Variants in CACNA2D4 observed in about 807,000 individuals in gnomAD.
CACNA2D4 encodes the protein voltage-dependent calcium channel subunit alpha-2/delta-4.
CACNA2D4 carries 157 observed loss-of-function variants against 163.8 expected under a neutral mutation model. The observed-to-expected ratio is 0.96, with a 90% CI of 0.84 to 1.09. The LOEUF is 1.09. Ranked by LOEUF, CACNA2D4 falls within the 50% of genes least tolerant of loss-of-function variation. CACNA2D4 has a pLI of 0.00. For missense variants in CACNA2D4, 1,410 were observed against 1,479.9 expected (o/e 0.95, Z 0.78); for synonymous variants, 598 against 586.9 (o/e 1.02, Z -0.27).
Position 1,844,475 on chromosome 12 carries a change from C to A in CACNA2D4, c.2397G>T (p.Pro799=). ...EASVFTLDRF[P]LWYRQASEHP... is the part of the protein sequence containing the mutation. ...GCTCTGAGGCCTGGCGGTACCACAG[C>A]GGGAAGCGGTCCAGGGTGAACACGC... Residue 799 remains proline (P), a synonymous_variant, in exon 25 of 38, where the codon CCG becomes CCT. Transcript: ENST00000382722. The surrounding 1 kb of genome is among the most constrained non-coding windows in gnomAD (Gnocchi z 4.2). The A allele has an allele frequency of 2.5e-6, 4 of 1,613,466 alleles. No individual in the cohort carries two copies. Among genetic ancestry groups the A allele is most frequent in the Non-Finnish European group, 3.4e-6 (4 of 1,179,736 alleles).
chr12:1,830,727 A>G (rs1460387177), intron 26 of CACNA2D4, among the ~76,000 whole-genome samples: 1 of 152,192 alleles, frequency 6.6e-6, no homozygotes, highest in Non-Finnish European at 1.5e-5. Flanking sequence ...CGCCCTGCAG[A>G]CACTGTGTGA....
At position 1,860,130 on chromosome 12, in the gene CACNA2D4, G is replaced by A. The variant is rs114870926; in HGVS notation, c.1940+15C>T. 6.6e-4 allele frequency: 1,061 copies of A among 1,607,552 alleles called. 5 individuals carry two copies. In the African/African-American group the frequency reaches 0.013, roughly 20 times the overall value. ...TCAACCCTCACCCCGTGCAAATAAA[G>A]CCTGTGTCCCTCACCTGAAAGGGGT... On this transcript the variant is annotated intron_variant, in intron 19 of 37. Coordinates refer to ENST00000382722, the MANE Select transcript of CACNA2D4 (RefSeq NM_172364.5).
At chr12:1,882,548 G>A (rs569658324) in intron 13 of CACNA2D4, among the ~76,000 whole-genome samples, 1 of 151,542 alleles carries the variant, frequency 6.6e-6, no homozygotes, top group Non-Finnish European at 1.5e-5. Context: ...GTGGGAGGGA[G>A]GGATGATGAG....
intron 26 of CACNA2D4, among the ~76,000 whole-genome samples, chr12:1,837,547 A>G (rs549950404): frequency 6.6e-6 from 1 of 152,048 alleles, no homozygotes; most frequent in South Asian, 2.1e-4. Context: ...CTCCTCAGCT[A>G]TATGGTTCAT....
intron 18 of CACNA2D4, among the ~76,000 whole-genome samples, chr12:1,865,196 T>C (rs1865619992): frequency 6.6e-6 from 1 of 152,166 alleles, no homozygotes; most frequent in African/African-American, 2.4e-5. Flanking sequence ...GGCGCGTCTC[T>C]CCCTTGCTGA....
rs866618856 is a variant in CACNA2D4 at position 1,883,098 on chromosome 12, C to T, written c.1352-98G>A. ...TCCCCAGCTGCAGATGGCTCATAGC[C>T]GAATACTCTCTGGAAACTGGACCGG... is the stretch of plus-strand genomic sequence containing the variant. On this transcript the variant is annotated intron_variant, in intron 12 of 37. Coordinates refer to ENST00000382722, the MANE Select transcript of CACNA2D4 (RefSeq NM_172364.5). The surrounding 1 kb of genome is among the most constrained non-coding windows in gnomAD (Gnocchi z 4.5). The T allele has an allele frequency of 5.6e-5, 74 of 1,326,420 alleles. No homozygotes were observed. In the South Asian group the frequency reaches 6.5e-4, roughly 12 times the overall value. 82.2% of individuals were successfully genotyped at this position (1,326,420 alleles called of 1,614,324 possible). A position where few individuals can be genotyped will look rare whatever the true frequency, so the allele number is the denominator to read the frequency against.
chr12:1,804,191 G>T (rs1480590753), intron 29 of CACNA2D4, among the ~76,000 whole-genome samples: 1 of 151,072 alleles, frequency 6.6e-6, no homozygotes, highest in Non-Finnish European at 1.5e-5. Flanking sequence ...TCACCTGACA[G>T]CAGGATTCTA....
chr12:1,911,242 TG>T (rs1020512540), intron 3 of CACNA2D4, among the ~76,000 whole-genome samples: 6 of 152,132 alleles, frequency 3.9e-5, no homozygotes, highest in African/African-American at 1.2e-4. Flanking sequence ...AGGATGGTCT[TG>T]ATCTCTTGAC....
In CACNA2D4 at chr12:1,828,186, G is replaced by A; in HGVS notation, c.2551+12553C>T. ...GGCAGCAGCCCTGGGCAGAGGGGCA[G>A]GCTCGCCCTGCAGTGGAGGCAAGTC... On this transcript the variant is annotated intron_variant, in intron 26 of 37. Transcript: ENST00000382722. This position sits in a 1 kb window ranked among gnomAD's most constrained non-coding sequence, Gnocchi z 4.2. The A allele has an allele frequency of 7.1e-6, 11 of 1,547,438 alleles. No individual in the cohort carries two copies. The highest frequency in any genetic ancestry group is 9.6e-6 in the Non-Finnish European group (11 of 1,145,572).
At chr12:1,849,402 C>A (rs1865225463) in intron 23 of CACNA2D4, among the ~76,000 whole-genome samples, 1 of 152,144 alleles carries the variant, frequency 6.6e-6, no homozygotes, top group South Asian at 2.1e-4. Context: ...AATGCCAATA[C>A]TATTTCTAGC....
In CACNA2D4 at chr12:1,818,274, C is replaced by T. The variant is rs943959539; in HGVS notation, c.2552-6551G>A. Among the ~76,000 whole-genome samples, 44 of 151,992 alleles carry T rather than the reference C, an allele frequency of 2.9e-4. 1 individual carries two copies. Among genetic ancestry groups the T allele is most frequent in the African/African-American group, 9.2e-4 (38 of 41,264 alleles). On this transcript the variant is annotated intron_variant, in intron 26 of 37. Transcript: ENST00000382722. Reference sequence around the variant, plus strand: ...CACCACCCAGTCTGGGAGGTGTGCCCAACAGCTCATTGAGAACGGGCCAGG... The same window carrying T: ...CACCACCCAGTCTGGGAGGTGTGCCTAACAGCTCATTGAGAACGGGCCAGG...
chr12:1,915,576 T>C (rs1866953329), intron 1 of CACNA2D4, among the ~76,000 whole-genome samples: 1 of 152,140 alleles, frequency 6.6e-6, no homozygotes, highest in South Asian at 2.1e-4. Context: ...AGAGAACGCG[T>C]GAGGCAAGGG....
chr12:1,883,051 C>G lies in CACNA2D4; in HGVS notation c.1352-51G>C. The G allele has an allele frequency of 6.3e-7, 1 of 1,575,144 alleles. No homozygotes were observed. Among genetic ancestry groups the G allele is most frequent in the Non-Finnish European group, 8.6e-7 (1 of 1,159,556 alleles). On this transcript the variant is annotated intron_variant, in intron 12 of 37. Transcript: ENST00000382722. The surrounding 1 kb of genome is among the most constrained non-coding windows in gnomAD (Gnocchi z 4.5). ...GTGGAAGGCAGGGCTTCCCTGGGAA[C>G]CCCTCGCCAGGGCCTGCACCCTCCC...
In CACNA2D4 at chr12:1,918,285, C is replaced by A; in HGVS notation, c.189G>T (p.Leu63=). 6.2e-7 allele frequency: 1 copy of A among 1,609,970 alleles called. No individual in the cohort carries two copies. Among genetic ancestry groups the A allele is most frequent in the African/African-American group, 1.3e-5 (1 of 74,900 alleles). Residue 63 remains leucine (L), a synonymous_variant, in exon 1 of 38, where the codon CTG becomes CTT. Coordinates refer to ENST00000382722, the MANE Select transcript of CACNA2D4 (RefSeq NM_172364.5). The part of the protein sequence containing the change: ...LLWLLLLGTS[L]SPAWGQAKIP... ...TCTTGGCCTGTCCCCACGCAGGGGA[C>A]AGGGAGGTGCCTAGAAGCAGCAGCC... is the stretch of plus-strand genomic sequence containing the variant.
At chr12:1,855,004 T>C (rs1865368351) in intron 22 of CACNA2D4, among the ~76,000 whole-genome samples, 1 of 152,134 alleles carries the variant, frequency 6.6e-6, no homozygotes, top group African/African-American at 2.4e-5. Flanking sequence ...CCTCCTCACC[T>C]TGGTGAGGAG....
chr12:1,884,288 CTT>C lies in CACNA2D4; in HGVS notation c.1304_1305del (p.Glu435GlyfsTer5). 1 of 1,612,712 alleles carries C rather than the reference CTT, an allele frequency of 6.2e-7. No homozygotes were observed. Among genetic ancestry groups the C allele is most frequent in the Non-Finnish European group, 8.5e-7 (1 of 1,179,536 alleles). Reference sequence around the variant, plus strand: ...CACTTCATGCGGTCAGCAAAAGACACTTCTCTCCCAATGAGGTAAGTGAAAAC... The same window carrying C: ...CACTTCATGCGGTCAGCAAAAGACACCTCTCCCAATGAGGTAAGTGAAAAC... ...VRVFTYLIGREVSFADRMKWI... is the reference protein window; with the variant it reads ...VRVFTYLIGRXVSFADRMKWI... On this transcript the variant is annotated frameshift_variant, in exon 12 of 38. Coordinates refer to ENST00000382722, the MANE Select transcript of CACNA2D4 (RefSeq NM_172364.5). LOFTEE classifies it high-confidence loss of function.
In CACNA2D4 at chr12:1,799,434, T is replaced by A. The variant is rs1448591396; in HGVS notation, c.2995+241A>T. On this transcript the variant is annotated intron_variant, in intron 34 of 37. Coordinates refer to ENST00000382722, the MANE Select transcript of CACNA2D4 (RefSeq NM_172364.5). The surrounding 1 kb of genome is among the most constrained non-coding windows in gnomAD (Gnocchi z 4.7). The stretch of plus-strand genomic sequence containing the variant: ...CGGCTTCCTCTTGGAATCTTACGTG[T>A]TCTCACCCAAGGGGAGGCTGGAGTT... Among the ~76,000 whole-genome samples, 1 of 152,164 alleles carries A rather than the reference T, an allele frequency of 6.6e-6. No individual in the cohort carries two copies. Among genetic ancestry groups the A allele is most frequent in the Non-Finnish European group, 1.5e-5 (1 of 68,022 alleles).
Position 1,800,021 on chromosome 12 carries a change from A to G in CACNA2D4, c.2953T>C (p.Trp985Arg), listed in dbSNP as rs1004386324. ...FLLEWSVWGS[W>R]YDRGAEAKSV... Reference sequence around the variant, plus strand: ...TCACCCTCGGCCCCTCTGTCGTACCAGGAGCCCCAGACACTCCACTCCAGC... The same window carrying G: ...TCACCCTCGGCCCCTCTGTCGTACCGGGAGCCCCAGACACTCCACTCCAGC... The change falls in exon 33 of 38, where the codon TGG (tryptophan) becomes CGG (arginine). Residue 985 changes from tryptophan to arginine, a missense_variant. Physicochemically the swap from Trp to Arg is moderately radical, Grantham distance 101. Transcript: ENST00000382722. 3 of 1,604,946 alleles carry G rather than the reference A, an allele frequency of 1.9e-6. No homozygotes were observed. Among genetic ancestry groups the G allele is most frequent in the Non-Finnish European group, 2.6e-6 (3 of 1,175,994 alleles).
chr12:1,845,514 C>T (rs1023035258), intron 24 of CACNA2D4, among the ~76,000 whole-genome samples: 4 of 152,156 alleles, frequency 2.6e-5, no homozygotes, highest in Admixed American at 1.3e-4. Context: ...TCAAAGATGG[C>T]GCTCCGTGGC....
Sources: allele counts gnomAD v4.1 joint callset (sites outside exome capture counted in the v4.1 genomes callset), GRCh38; gene constraint gnomAD v4.1.1; non-coding constraint Gnocchi (gnomAD v3.1); transcripts MANE v1.5; gene names NCBI Gene and HGNC (gene_info 2026-07-23, HGNC 2026-07-21).